The following NFASC variants were observed in gnomAD, a reference collection of about 807,000 sequenced individuals.
The protein encoded by NFASC is neurofascin.
NFASC carries 43 observed loss-of-function variants against 147.5 expected under a neutral mutation model. That is an observed-to-expected ratio of 0.29 (90% CI 0.23 to 0.38). NFASC has a LOEUF of 0.38. Ranked by LOEUF, NFASC falls within the 10% of genes least tolerant of loss-of-function variation. NFASC has a pLI of 1.00. For synonymous variants in NFASC, 622 were observed against 665.5 expected (o/e 0.93, Z 1.01); for missense variants, 1,320 against 1,689.0 (o/e 0.78, Z 3.83).
At chr1:204,958,157 G>C (rs1479242369) in intron 8 of NFASC, among the ~76,000 whole-genome samples, 2 of 152,122 alleles carry the variant, frequency 1.3e-5, no homozygotes, top group East Asian at 1.9e-4. Context: ...AGCCCTCCAG[G>C]TAATTCAAGT....
At chr1:204,885,285 G>A (rs978039242) in intron 1 of NFASC, among the ~76,000 whole-genome samples, 1 of 152,148 alleles carries the variant, frequency 6.6e-6, no homozygotes, top group African/African-American at 2.4e-5. Context: ...ATAACACAGT[G>A]TGGAACAAGG....
At chr1:204,935,006 G>A (rs190653699) in intron 2 of NFASC, among the ~76,000 whole-genome samples, 1 of 152,342 alleles carries the variant, frequency 6.6e-6, no homozygotes, top group East Asian at 1.9e-4. Context: ...AATTCATGGT[G>A]CAGTTGGGGA....
At chr1:204,853,873 A>G (rs1230559610) in intron 1 of NFASC, among the ~76,000 whole-genome samples, 1 of 152,162 alleles carries the variant, frequency 6.6e-6, no homozygotes, top group African/African-American at 2.4e-5. Context: ...CTCTCCTGGC[A>G]AGGGGGAACC....
chr1:204,932,443 G>A lies in NFASC; in HGVS notation c.-91+11703G>A, dbSNP rs2092445034. On this transcript the variant is annotated intron_variant, in intron 2 of 29. Transcript: ENST00000339876. Reference sequence around the variant, plus strand: ...TGCCAGGGACTATGCTGGCCACTCGGCACACAGGAATGAACAGGACACGGT... The same window carrying A: ...TGCCAGGGACTATGCTGGCCACTCGACACACAGGAATGAACAGGACACGGT... Among the ~76,000 whole-genome samples the A allele has an allele frequency of 2.0e-5, 3 of 151,966 alleles. No homozygotes were observed. In the South Asian group the frequency reaches 6.2e-4, roughly 32 times the overall value.
rs2150235249 is a variant in NFASC, at chr1:204,968,486, G to A, written c.818+126G>A. Reference sequence around the variant, plus strand: ...AGCACAGCAAAAAGAGAAGCAAACAGCCTCTAGTGAGCAGGGTGTTGCAAA... The same window carrying A: ...AGCACAGCAAAAAGAGAAGCAAACAACCTCTAGTGAGCAGGGTGTTGCAAA... On this transcript the variant is annotated intron_variant, in intron 9 of 29. Transcript: ENST00000339876. The surrounding 1 kb of genome is among the most constrained non-coding windows in gnomAD (Gnocchi z 5.4). 1 of 703,602 alleles carries A rather than the reference G, an allele frequency of 1.4e-6. No individual in the cohort carries two copies. Among genetic ancestry groups the A allele is most frequent in the Non-Finnish European group, 2.5e-6 (1 of 406,990 alleles). The allele number at this position is 703,602 out of a possible 1,614,324, so 43.6% of individuals were successfully genotyped here.
intron 1 of NFASC, among the ~76,000 whole-genome samples, chr1:204,864,819 T>C (rs929185606): frequency 6.6e-6 from 1 of 152,236 alleles, no homozygotes; most frequent in African/African-American, 2.4e-5. Flanking sequence ...AGCTGTATCT[T>C]CACAGCACAA....
intron 8 of NFASC, among the ~76,000 whole-genome samples, chr1:204,966,631 C>G (rs939490803): frequency 1.3e-5 from 2 of 152,128 alleles, no homozygotes; most frequent in Non-Finnish European, 2.9e-5. Context: ...AATGGATTAA[C>G]CCCTTCAGTA....
intron 1 of NFASC, among the ~76,000 whole-genome samples, chr1:204,909,405 A>T (rs1331565592): frequency 6.6e-6 from 1 of 152,076 alleles, no homozygotes; most frequent in Non-Finnish European, 1.5e-5. Flanking sequence ...TTCTACTCTG[A>T]TGAAATGTCT....
At chr1:204,976,836 C>T (rs1003544431) in intron 16 of NFASC, 41 bp downstream of exon 16, 2 of 1,590,062 alleles carry the variant, frequency 1.3e-6, no homozygotes, top group African/African-American at 1.3e-5. Context: ...CAGCCCCACC[C>T]CCTCCCCAGC....
chr1:204,970,703 C>T lies in NFASC; in HGVS notation c.1091C>T (p.Pro364Leu). 6.2e-7 allele frequency: 1 copy of T among 1,614,208 alleles called. No homozygotes were observed. Among genetic ancestry groups the T allele is most frequent in the Non-Finnish European group, 8.5e-7 (1 of 1,180,044 alleles). Residue 364 changes from proline to leucine, a missense_variant, in exon 11 of 30, where the codon CCC (proline) becomes CTC (leucine). Physicochemically the swap from Pro to Leu is moderately conservative, Grantham distance 98 (BLOSUM62 -3). Coordinates refer to ENST00000339876, the MANE Select transcript of NFASC (RefSeq NM_001005388.3). The stretch of plus-strand genomic sequence containing the variant: ...CTGGTGTGTCGAGCCAATGGAAACC[C>T]CAAACCCACTGTCCAGTGGATGGTG... ...GRLVCRANGN[P>L]KPTVQWMVNG...
At chr1:204,837,538 T>C (rs907465245) in intron 1 of NFASC, among the ~76,000 whole-genome samples, 1 of 152,056 alleles carries the variant, frequency 6.6e-6, no homozygotes, top group African/African-American at 2.4e-5. Context: ...GACAACAAGA[T>C]TGTGGTGTTA....
At chr1:204,957,912 G>T in intron 8 of NFASC, 86 bp downstream of exon 8, 2 of 1,264,526 alleles carry the variant, frequency 1.6e-6, no homozygotes, top group East Asian at 4.6e-5. Context: ...GAGTCTATAG[G>T]GGGAGACTTG....
At chr1:204,877,259 G>A (rs1450138812) in intron 1 of NFASC, among the ~76,000 whole-genome samples, 1 of 151,404 alleles carries the variant, frequency 6.6e-6, no homozygotes, top group Admixed American at 6.6e-5. Context: ...CTTTGGAATG[G>A]AGACTTAACA....
chr1:204,990,140 G>C (rs1456304258), intron 23 of NFASC: 1 of 152,402 alleles, frequency 6.6e-6, no homozygotes, highest in African/African-American at 2.4e-5. Context: ...GAGAAAGGCT[G>C]ACAGCCCGCT....
intron 3 of NFASC, chr1:204,946,170 C>A: frequency 2.6e-6 from 1 of 385,546 alleles, no homozygotes; most frequent in Non-Finnish European, 5.4e-6. Context: ...GTTGTGTTCG[C>A]GGAAACTCAA....
At chr1:204,965,706 C>T (rs1441367130) in intron 8 of NFASC, among the ~76,000 whole-genome samples, 3 of 152,344 alleles carry the variant, frequency 2.0e-5, no homozygotes. Flanking sequence ...ATATCTTTCT[C>T]CTTTACCTCT....
chr1:205,014,825 A>G (rs2096318798), intron 29 of NFASC, among the ~76,000 whole-genome samples: 1 of 152,074 alleles, frequency 6.6e-6, no homozygotes, highest in Non-Finnish European at 1.5e-5. Flanking sequence ...GCCCCTGCAC[A>G]TGGGATAGAG....
intron 1 of NFASC, among the ~76,000 whole-genome samples, chr1:204,839,368 A>AACACACACACACAC (rs55784616): frequency 2.2e-5 from 3 of 135,200 alleles, no homozygotes; most frequent in Admixed American, 7.3e-5. Context: ...GCACGTATGA[A>AACACACACACACAC]ACACACACAC....
intron 8 of NFASC, among the ~76,000 whole-genome samples, chr1:204,965,708 T>C (rs1007753306): frequency 2.0e-5 from 3 of 152,246 alleles, no homozygotes; most frequent in African/African-American, 7.2e-5. Flanking sequence ...ATCTTTCTCC[T>C]TTACCTCTTT....
Sources: allele counts gnomAD v4.1 joint callset (sites outside exome capture counted in the v4.1 genomes callset), GRCh38; gene constraint gnomAD v4.1.1; non-coding constraint Gnocchi (gnomAD v3.1); transcripts MANE v1.5; gene names NCBI Gene and HGNC (gene_info 2026-07-23, HGNC 2026-07-21).